The following NEK1 variants were observed in gnomAD, a reference collection of about 807,000 sequenced individuals.
NEK1 encodes serine/threonine-protein kinase Nek1.
NEK1 carries 137 observed loss-of-function variants against 182.1 expected under a neutral mutation model. The ratio of observed to expected loss-of-function variants is 0.75; its 90% confidence interval spans 0.65 to 0.87. The LOEUF is 0.87. NEK1 is among the 40% of genes least tolerant of loss of function. The probability of loss-of-function intolerance (pLI) is 0.00; values close to 1 mark genes in which losing one functional copy is unlikely to be tolerated. For missense variants in NEK1, 1,391 were observed against 1,494.4 expected (o/e 0.93, Z 1.14); for synonymous variants, 513 against 492.2 (o/e 1.04, Z -0.56).
chr4:169,512,402 T>C (rs1412807384), intron 19 of NEK1, among the ~76,000 whole-genome samples: 1 of 152,132 alleles, frequency 6.6e-6, no homozygotes, highest in African/African-American at 2.4e-5. Flanking sequence ...CTGCCATATG[T>C]ATATCCTCTT....
intron 31 of NEK1, among the ~76,000 whole-genome samples, chr4:169,422,644 T>G (rs1735684946): frequency 6.6e-6 from 1 of 152,240 alleles, no homozygotes; most frequent in African/African-American, 2.4e-5. Flanking sequence ...CCTAAATGGC[T>G]ACAGACTGCT....
intron 29 of NEK1, among the ~76,000 whole-genome samples, chr4:169,431,717 C>T (rs1316031934): frequency 6.6e-6 from 1 of 151,366 alleles, no homozygotes; most frequent in Non-Finnish European, 1.5e-5. Flanking sequence ...TTGTTTCAGG[C>T]CAGGAGTTTG....
chr4:169,513,379 G>GCTCA (rs141671260), intron 19 of NEK1, among the ~76,000 whole-genome samples: 42,724 of 151,628 alleles, frequency 0.28, 8,520 homozygotes, highest in African/African-American at 0.57. Flanking sequence ...GTTTCCACTT[G>GCTCA]CTGTCAATAT....
intron 23 of NEK1, among the ~76,000 whole-genome samples, chr4:169,485,624 C>G (rs754390979): frequency 7.2e-5 from 11 of 152,018 alleles, no homozygotes; most frequent in Non-Finnish European, 1.3e-4. Context: ...TATAAAGTTT[C>G]ATATAAGAGA....
At chr4:169,462,255 G>C (rs920992433) in intron 27 of NEK1, among the ~76,000 whole-genome samples, 2 of 151,742 alleles carry the variant, frequency 1.3e-5, no homozygotes, top group Non-Finnish European at 2.9e-5. Context: ...TTTTTGTCTT[G>C]AATAAAGCCT....
intron 2 of NEK1, among the ~76,000 whole-genome samples, chr4:169,603,986 C>T (rs1265008939): frequency 1.3e-5 from 2 of 152,126 alleles, no homozygotes; most frequent in African/African-American, 4.8e-5. Context: ...GAGGTGTGAG[C>T]CACCATGAGC....
intron 27 of NEK1, 36 bp downstream of exon 27, chr4:169,463,207 A>G (rs747762475): frequency 1.7e-6 from 2 of 1,153,888 alleles, no homozygotes; most frequent in South Asian, 2.8e-5. Context: ...TAATAATATT[A>G]CTTCTAGTAT....
chr4:169,468,086 G>A (rs917581733), intron 26 of NEK1, among the ~76,000 whole-genome samples: 3 of 151,938 alleles, frequency 2.0e-5, no homozygotes, highest in Non-Finnish European at 4.4e-5. Flanking sequence ...TTTTAATAAA[G>A]CAAAGATTTT....
intron 19 of NEK1, among the ~76,000 whole-genome samples, chr4:169,532,833 T>TC (rs1757888555): frequency 6.6e-6 from 1 of 151,104 alleles, no homozygotes; most frequent in African/African-American, 2.4e-5. Flanking sequence ...GCGCCTGTAG[T>TC]CCCAGCTACT....
chr4:169,437,644 T>C (rs1738668820), intron 28 of NEK1, among the ~76,000 whole-genome samples: 4 of 152,190 alleles, frequency 2.6e-5, no homozygotes, highest in Admixed American at 1.3e-4. Context: ...GAAGTCAGAC[T>C]ATCCTGCCAG....
rs764463497 is a variant in NEK1, at chr4:169,424,644, C to A, written c.3131G>T (p.Arg1044Leu). Reference protein sequence around the residue: ...QCSPEESFAFRSHSHLPPKNK... With the variant: ...QCSPEESFAFLSHSHLPPKNK... ...TTTTGGTGGTAAATGCGAGTGAGAT[C>A]GAAATGCAAAGGATTCTTCTGGTGA... is the stretch of plus-strand genomic sequence containing the variant. The change falls in exon 31 of 36, where the codon CGA becomes CTA. Residue 1044 changes from arginine (R) to leucine (L), a missense_variant. Arg to Leu is a moderately radical substitution (Grantham distance 102). This residue lies in a region of NEK1 where 1,216 missense variants were observed against 1,277.6 expected (regional missense o/e 0.95). Coordinates refer to ENST00000507142, the MANE Select transcript of NEK1 (RefSeq NM_001199397.3). 2 of 1,613,566 alleles carry A rather than the reference C, an allele frequency of 1.2e-6. No individual in the cohort carries two copies. The highest frequency in any genetic ancestry group is 1.7e-6 in the Non-Finnish European group (2 of 1,179,664).
At chr4:169,609,196 TCA>T (rs928139990) in intron 2 of NEK1, among the ~76,000 whole-genome samples, 5 of 152,254 alleles carry the variant, frequency 3.3e-5, no homozygotes, top group African/African-American at 9.6e-5. Context: ...ATGGCAAAAT[TCA>T]CAGTTGATTA....
intron 11 of NEK1, among the ~76,000 whole-genome samples, chr4:169,577,296 A>G (rs966832704): frequency 1.5e-4 from 23 of 150,612 alleles, no homozygotes; most frequent in Non-Finnish European, 2.8e-4. Context: ...AAATTCCTCT[A>G]ACATGTTGAA....
At chr4:169,550,840 C>A (rs1233526974) in intron 18 of NEK1, among the ~76,000 whole-genome samples, 1 of 152,178 alleles carries the variant, frequency 6.6e-6, no homozygotes, top group African/African-American at 2.4e-5. Context: ...TGCTTTTGGG[C>A]CACTTTTGCT....
rs72692918 is a variant in NEK1, at chr4:169,541,485, A to T, written c.1563-3574T>A. On this transcript the variant is annotated intron_variant, in intron 18 of 35. Coordinates refer to ENST00000507142, the MANE Select transcript of NEK1 (RefSeq NM_001199397.3). Reference sequence around the variant, plus strand: ...TACTGATAAGAAAGGAAGAGGAAAAATAACTACTACCATAAAGAAGAAACA... The same window carrying T: ...TACTGATAAGAAAGGAAGAGGAAAATTAACTACTACCATAAAGAAGAAACA... 4.0e-3 allele frequency among the ~76,000 whole-genome samples: 607 copies of T among 152,294 alleles called. 5 individuals are homozygous for T. The highest frequency in any genetic ancestry group is 0.03 in the South Asian group (146 of 4,828).
At chr4:169,449,370 C>T (rs1031144276) in intron 27 of NEK1, among the ~76,000 whole-genome samples, 2 of 152,350 alleles carry the variant, frequency 1.3e-5, no homozygotes, top group South Asian at 4.1e-4. Context: ...GGTCCCTGAC[C>T]CCCACGCAGC....
chr4:169,594,307 A>G (rs1769071537), intron 5 of NEK1, among the ~76,000 whole-genome samples: 1 of 152,192 alleles, frequency 6.6e-6, no homozygotes, highest in Non-Finnish European at 1.5e-5. Context: ...ATTTTCCCAA[A>G]GTATGCTCAG....
intron 27 of NEK1, among the ~76,000 whole-genome samples, chr4:169,444,965 T>C (rs1211475580): frequency 6.6e-6 from 1 of 152,126 alleles, no homozygotes; most frequent in Admixed American, 6.5e-5. Context: ...AAACTGTACA[T>C]ATACATGGAA....
At chr4:169,457,045 G>T (rs1743016236) in intron 27 of NEK1, among the ~76,000 whole-genome samples, 1 of 152,152 alleles carries the variant, frequency 6.6e-6, no homozygotes, top group African/African-American at 2.4e-5. Context: ...CAGAATGGTA[G>T]TTACTAGAGG....
Sources: allele counts gnomAD v4.1 joint callset (sites outside exome capture counted in the v4.1 genomes callset), GRCh38; gene constraint gnomAD v4.1.1; regional missense constraint gnomAD v4.1.1; transcripts MANE v1.5; gene names NCBI Gene and HGNC (gene_info 2026-07-23, HGNC 2026-07-21).